Variants in LTBP4 observed in about 807,000 individuals in gnomAD.
LTBP4 encodes the protein latent-transforming growth factor beta-binding protein 4.
In LTBP4, 93 loss-of-function variants were observed where a neutral mutation model predicts 180.2. The ratio of observed to expected loss-of-function variants is 0.52; its 90% CI spans 0.44 to 0.61. The LOEUF (loss-of-function observed/expected upper bound fraction) is 0.61. Ranked by LOEUF, LTBP4 falls within the 20% of genes least tolerant of loss-of-function variation. LTBP4 has a pLI of 0.00. For synonymous variants in LTBP4, 947 were observed against 934.5 expected (o/e 1.01, Z -0.24); for missense variants, 2,116 against 2,256.5 (o/e 0.94, Z 1.26).
chr19:40,615,101 C>T (rs144879806), intron 19 of LTBP4, among the ~76,000 whole-genome samples: 1,916 of 151,856 alleles, frequency 0.013, 14 homozygotes, highest in Non-Finnish European at 0.019. Context: ...GCCTTCCCTC[C>T]CGCCCCGCTC....
chr19:40,626,165 C>T (rs1334425561), intron 27 of LTBP4, among the ~76,000 whole-genome samples, 156 bp downstream of exon 27: 2 of 152,082 alleles, frequency 1.3e-5, no homozygotes, highest in East Asian at 1.9e-4. Context: ...TCTTGGTCCC[C>T]GATTCACACT....
upstream of LTBP4, chr19:40,599,244 G>A (rs1228182525): frequency 6.2e-7 from 1 of 1,613,308 alleles, no homozygotes; most frequent in South Asian, 1.1e-5. Flanking sequence ...AGGAGGAGCC[G>A]CTGCATCCGA....
chr19:40,597,327 C>A (rs2081396526), upstream of LTBP4: 1 of 1,524,528 alleles, frequency 6.6e-7, no homozygotes, highest in Non-Finnish European at 8.8e-7. Context: ...CCAGCCCCAG[C>A]CCCAGCCCCA....
At chr19:40,607,946 C>G (rs2081475332) in intron 7 of LTBP4, among the ~76,000 whole-genome samples, 1 of 152,210 alleles carries the variant, frequency 6.6e-6, no homozygotes, top group Non-Finnish European at 1.5e-5. Context: ...GAGCTATTTC[C>G]TAGCCTCCAA....
At chr19:40,606,923 G>A (rs1450544055) in intron 6 of LTBP4, among the ~76,000 whole-genome samples, 1 of 152,060 alleles carries the variant, frequency 6.6e-6, no homozygotes, top group African/African-American at 2.4e-5. Context: ...AAATTTTTTT[G>A]TATTTTTGGT....
chr19:40,625,327 T>TTTA (rs1397301631), intron 26 of LTBP4, among the ~76,000 whole-genome samples: 1 of 60,938 alleles, frequency 1.6e-5, no homozygotes, highest in African/African-American at 9.9e-5. Flanking sequence ...TTTTTTTTTT[T>TTTA]AAAGATGGGT....
Position 40,609,331 on chromosome 19 carries a change from T to A in LTBP4, c.1427-199T>A, listed in dbSNP as rs761503073. Among the ~76,000 whole-genome samples, 1 of 151,930 alleles carries A rather than the reference T, an allele frequency of 6.6e-6. No homozygotes were observed. Among genetic ancestry groups the A allele is most frequent in the Non-Finnish European group, 1.5e-5 (1 of 68,002 alleles). On this transcript the variant is annotated intron_variant, in intron 9 of 29. Coordinates refer to ENST00000396819, the MANE Select transcript of LTBP4 (RefSeq NM_001042545.2). The surrounding 1 kb of genome is among the most constrained non-coding windows in gnomAD (Gnocchi z 4.9). ...CAAAGCCAGAGACCTTGGGGTGGCA[T>A]GATGAGGGGATTCGGCCAAGGATCT...
chr19:40,625,803 CT>C (rs1252705506), intron 26 of LTBP4, 53 bp from the exon 27 acceptor site: 1 of 1,463,284 alleles, frequency 6.8e-7, no homozygotes, highest in African/African-American at 1.4e-5. Context: ...GGTCCAGCCC[CT>C]GGGAGGACCT....
Position 40,627,738 on chromosome 19 carries a change from C to A in LTBP4, c.4400C>A (p.Ala1467Glu), listed in dbSNP as rs148715056. 1 of 1,596,874 alleles carries A rather than the reference C, an allele frequency of 6.3e-7. No homozygotes were observed. Among genetic ancestry groups the A allele is most frequent in the Non-Finnish European group, 8.5e-7 (1 of 1,173,368 alleles). ...SLAEPYEELE[A>E]EECGILDGCT... ...GCTGAGCCCTACGAGGAGCTGGAGG[C>A]GGAGGAGTGCGGGATCCTGGACGGC... The change falls in exon 29 of 30, where the codon GCG (alanine) becomes GAG (glutamate). Residue 1467 changes from alanine to glutamate, a missense_variant. By Grantham distance (107) the Ala-to-Glu change is moderately radical. Around this residue, in one of 5 missense-constraint regions of LTBP4, gnomAD observed 488 missense variants for 458.8 expected, o/e 1.06. Transcript: ENST00000396819.
chr19:40,603,690 G>A (rs1421449080), intron 1 of LTBP4, among the ~76,000 whole-genome samples: 1 of 152,152 alleles, frequency 6.6e-6, no homozygotes, highest in Non-Finnish European at 1.5e-5. Context: ...CTCTACAGTT[G>A]TGGCTCAGAA....
chr19:40,613,094 C>G lies in LTBP4; in HGVS notation c.2329C>G (p.Pro777Ala). The change falls in exon 16 of 30, where the codon CCC becomes GCC. Residue 777 changes from proline to alanine, a missense_variant. This residue lies in a region of LTBP4 where 877 missense variants were observed against 873.6 expected (regional missense o/e 1.00). Transcript: ENST00000396819. The surrounding 1 kb of genome is among the most constrained non-coding windows in gnomAD (Gnocchi z 5.0). ...GGACGAATGCAGTTCGGGTGCCCCT[C>G]CCTGTGGTCCCCACGGCCACTGCAC... is the stretch of plus-strand genomic sequence containing the variant. ...DVDECSSGAP[P>A]CGPHGHCTNT... The G allele has an allele frequency of 6.2e-7, 1 of 1,610,570 alleles. No homozygotes were observed. Among genetic ancestry groups the G allele is most frequent in the East Asian group, 2.2e-5 (1 of 44,680 alleles).
chr19:40,618,133 A>G (rs1272056478), intron 21 of LTBP4, among the ~76,000 whole-genome samples: 1 of 151,080 alleles, frequency 6.6e-6, no homozygotes, highest in Non-Finnish European at 1.5e-5. Flanking sequence ...GTTTGATCAT[A>G]GCTTACTGCA....
In LTBP4 at chr19:40,629,311, C is replaced by T. The variant is rs959084326; in HGVS notation, c.4520-85C>T. The T allele has an allele frequency of 5.1e-6, 8 of 1,569,412 alleles. No individual in the cohort carries two copies. Among genetic ancestry groups the T allele is most frequent in the African/African-American group, 1.4e-5 (1 of 73,748 alleles). On this transcript the variant is annotated intron_variant, in intron 29 of 29. Coordinates refer to ENST00000396819, the MANE Select transcript of LTBP4 (RefSeq NM_001042545.2). The surrounding 1 kb of genome is among the most constrained non-coding windows in gnomAD (Gnocchi z 4.5). Reference sequence around the variant, plus strand: ...CTCCAAACTGCTCAGCATCTGTGCTCCTCTGTTCCAAGAACTTAAGGGGCC... The same window carrying T: ...CTCCAAACTGCTCAGCATCTGTGCTTCTCTGTTCCAAGAACTTAAGGGGCC...
At chr19:40,600,492 C>A (rs1271611140), upstream of LTBP4, among the ~76,000 whole-genome samples, 6 of 152,344 alleles carry the variant, frequency 3.9e-5, no homozygotes, top group Admixed American at 3.9e-4. This position sits in a 1 kb window ranked among gnomAD's most constrained non-coding sequence, Gnocchi z 4.4. Context: ...ACAACAAAAG[C>A]GATTGTGCGG....
upstream of LTBP4, chr19:40,599,662 C>A: frequency 9.1e-7 from 1 of 1,095,014 alleles, no homozygotes; most frequent in Non-Finnish European, 1.3e-6. Flanking sequence ...TCCCCCCTCC[C>A]TCCCCGGCTC....
rs1568417047 is a variant in LTBP4 at position 40,629,560 on chromosome 19, C to T, written c.*10C>T. The T allele has an allele frequency of 6.5e-6, 9 of 1,394,810 alleles. No homozygotes were observed. The highest frequency in any genetic ancestry group is 8.4e-6 in the Non-Finnish European group (9 of 1,077,452). 86.4% of individuals were successfully genotyped at this position (1,394,810 alleles called of 1,614,324 possible). A position where few individuals can be genotyped will look rare whatever the true frequency, so the allele number is the denominator to read the frequency against. On this transcript the variant is annotated 3_prime_UTR_variant, in exon 30 of 30. Transcript: ENST00000396819. This position sits in a 1 kb window ranked among gnomAD's most constrained non-coding sequence, Gnocchi z 4.5. Reference sequence around the variant, plus strand: ...ACGGCCCCGGGCCTGAGCCCTGGCACCCGCTGGCCGCCCACCCGCGCCCGC... The same window carrying T: ...ACGGCCCCGGGCCTGAGCCCTGGCATCCGCTGGCCGCCCACCCGCGCCCGC...
At chr19:40,607,698 G>C (rs2081473630) in intron 7 of LTBP4, among the ~76,000 whole-genome samples, 169 bp downstream of exon 7, 1 of 152,162 alleles carries the variant, frequency 6.6e-6, no homozygotes, top group East Asian at 1.9e-4. Flanking sequence ...AGCATCCATG[G>C]CTCCACCTCC....
intron 21 of LTBP4, among the ~76,000 whole-genome samples, chr19:40,617,643 CAAAAAAAAAAAAA>C (rs56053315): frequency 3.5e-4 from 42 of 118,742 alleles, no homozygotes; most frequent in African/African-American, 3.7e-4. Context: ...GACCCTGTCT[CAAAAAAAAAAAAA>C]AAAAAAAAAA....
In LTBP4 at chr19:40,607,409, C is replaced by G. The variant is rs1276419326; in HGVS notation, c.1036C>G (p.Leu346Val). 2.5e-6 allele frequency: 4 copies of G among 1,613,224 alleles called. No homozygotes were observed. The Admixed American group carries it at 6.7e-5, about 27-fold the overall frequency. ...SEAKGPCFRV[L>V]RDGGCSLPIL... Reference sequence around the variant, plus strand: ...GGCCAAAGGGCCCTGCTTCCGCGTGCTCCGCGACGGCGGCTGTTCGCTGCC... The same window carrying G: ...GGCCAAAGGGCCCTGCTTCCGCGTGGTCCGCGACGGCGGCTGTTCGCTGCC... The change falls in exon 7 of 30, where the codon CTC becomes GTC. Residue 346 changes from leucine (L) to valine (V), a missense_variant. Leu to Val is a conservative substitution (Grantham distance 32). Around this residue, in one of 5 missense-constraint regions of LTBP4, gnomAD observed 469 missense variants for 532.5 expected, o/e 0.88. Coordinates refer to ENST00000396819, the MANE Select transcript of LTBP4 (RefSeq NM_001042545.2).
Sources: gnomAD v4.1 joint callset for allele counts (sites outside exome capture counted in the v4.1 genomes callset) on GRCh38, gnomAD v4.1.1 for gene constraint, gnomAD v4.1.1 regional missense constraint, Gnocchi (gnomAD v3.1) non-coding constraint, MANE v1.5 for transcripts, NCBI Gene and HGNC (gene_info 2026-07-23, HGNC 2026-07-21) for gene names.